Variants in THSD4 observed in about 807,000 individuals in gnomAD.
THSD4 encodes the protein thrombospondin type 1 domain containing 4.
In THSD4, 69 loss-of-function variants were observed where a neutral mutation model predicts 119.0. The observed-to-expected ratio is 0.58, with a 90% CI of 0.48 to 0.71. The LOEUF (loss-of-function observed/expected upper bound fraction) is 0.71. Among genes scored for constraint, THSD4 ranks in the 30% least tolerant of loss-of-function variants. The pLI, the probability that THSD4 is intolerant of heterozygous loss-of-function variation, is 0.00. For missense variants in THSD4, 1,393 were observed against 1,391.1 expected (o/e 1.00, Z -0.02); for synonymous variants, 524 against 540.4 (o/e 0.97, Z 0.42).
intron 6 of THSD4, among the ~76,000 whole-genome samples, chr15:71,345,767 G>C (rs2045649272): frequency 6.7e-6 from 1 of 149,764 alleles, no homozygotes; most frequent in Non-Finnish European, 1.5e-5. Context: ...GCCTTCGCCA[G>C]AATAAGTGAA....
intron 11 of THSD4, 146 bp downstream of exon 11, chr15:71,738,153 G>T: frequency 8.6e-7 from 1 of 1,157,402 alleles, no homozygotes; most frequent in Non-Finnish European, 1.2e-6. Context: ...GGCGGGGTTG[G>T]GGGATGGTTT....
At chr15:71,400,008 C>G (rs1330774781) in intron 6 of THSD4, among the ~76,000 whole-genome samples, 1 of 152,000 alleles carries the variant, frequency 6.6e-6, no homozygotes, top group African/African-American at 2.4e-5. Context: ...CTCAGTAATG[C>G]TGCAGAAAGA....
intron 2 of THSD4, among the ~76,000 whole-genome samples, chr15:71,147,153 C>A (rs12101341): frequency 0.026 from 3,913 of 152,252 alleles, 154 homozygotes; most frequent in African/African-American, 0.089. Flanking sequence ...CTGGGATGCA[C>A]TTAGAAAACA....
chr15:71,272,061 A>T (rs2044536919), intron 6 of THSD4, among the ~76,000 whole-genome samples: 1 of 152,184 alleles, frequency 6.6e-6, no homozygotes, highest in South Asian at 2.1e-4. Context: ...CAAATCCAAA[A>T]TATGCAAGAA....
At chr15:71,450,925 C>A (rs2047255025) in intron 7 of THSD4, among the ~76,000 whole-genome samples, 2 of 152,178 alleles carry the variant, frequency 1.3e-5, no homozygotes, top group Admixed American at 6.5e-5. Context: ...CTCCTGTAAT[C>A]TCAGCACTTT....
chr15:71,295,034 G>T (rs3743111), intron 6 of THSD4, among the ~76,000 whole-genome samples: 2 of 151,528 alleles, frequency 1.3e-5, no homozygotes, highest in African/African-American at 4.9e-5. Context: ...GGTGAGTGGC[G>T]CTTGCGTCAG....
intron 7 of THSD4, among the ~76,000 whole-genome samples, chr15:71,653,449 G>T (rs56969804): frequency 0.1 from 15,921 of 152,196 alleles, 883 homozygotes; most frequent in East Asian, 0.19. Flanking sequence ...GGAACATTTG[G>T]CAATGTCTGG....
At chr15:71,404,658 T>C (rs528970071) in intron 6 of THSD4, among the ~76,000 whole-genome samples, 3 of 152,286 alleles carry the variant, frequency 2.0e-5, no homozygotes, top group African/African-American at 7.2e-5. Flanking sequence ...CCAATCTCAT[T>C]AATGGGATTA....
At chr15:71,519,866 G>T (rs2048414689) in intron 7 of THSD4, among the ~76,000 whole-genome samples, 1 of 152,210 alleles carries the variant, frequency 6.6e-6, no homozygotes, top group Non-Finnish European at 1.5e-5. Flanking sequence ...GGCCCTGGGT[G>T]TGAGGAGTGA....
chr15:71,238,661 G>A (rs2028586), intron 4 of THSD4, among the ~76,000 whole-genome samples: 150,877 of 152,362 alleles, frequency 0.99, 74,719 homozygotes, highest in Middle Eastern at 1. Flanking sequence ...CACTCTGTGG[G>A]TATACCAATG....
At chr15:71,200,782 G>A (rs2043797180) in intron 3 of THSD4, among the ~76,000 whole-genome samples, 1 of 152,156 alleles carries the variant, frequency 6.6e-6, no homozygotes. Flanking sequence ...AATAAGATGT[G>A]GGGATGCACA....
chr15:71,625,876 G>C (rs2050499761), intron 7 of THSD4, among the ~76,000 whole-genome samples: 1 of 152,126 alleles, frequency 6.6e-6, no homozygotes, highest in Non-Finnish European at 1.5e-5. Flanking sequence ...AGCACAGACT[G>C]GCAGTCCATA....
rs139114313 is a variant in THSD4, at chr15:71,590,616, C to G, written c.1153-69914C>G. On this transcript the variant is annotated intron_variant, in intron 7 of 17. Coordinates refer to ENST00000261862, the MANE Select transcript of THSD4 (RefSeq NM_024817.3). Reference sequence around the variant, plus strand: ...AGCTAATGGATGCTGGGCTTAATACCTGGGTGATGGGATGATCTGTGCAGC... The same window carrying G: ...AGCTAATGGATGCTGGGCTTAATACGTGGGTGATGGGATGATCTGTGCAGC... Among the ~76,000 whole-genome samples, 78 of 88,734 alleles carry G rather than the reference C, an allele frequency of 8.8e-4. 7 individuals are homozygous for G. Among genetic ancestry groups the G allele is most frequent in the African/African-American group, 2.2e-3 (71 of 31,688 alleles). The allele number at this position is 88,734 out of a possible 152,430, so 58.2% of individuals were successfully genotyped here. A position where few individuals can be genotyped will look rare whatever the true frequency, so the allele number is the denominator to read the frequency against.
chr15:71,366,959 G>A (rs1269471400), intron 6 of THSD4, among the ~76,000 whole-genome samples: 1 of 152,202 alleles, frequency 6.6e-6, no homozygotes, highest in Non-Finnish European at 1.5e-5. Context: ...TGCCAGCACA[G>A]CTCTCTCCAA....
chr15:71,281,190 G>A (rs985205408), intron 6 of THSD4, among the ~76,000 whole-genome samples: 7 of 152,236 alleles, frequency 4.6e-5, no homozygotes, highest in Non-Finnish European at 7.3e-5. Context: ...AATCCGAGAA[G>A]TCTACTTTGC....
chr15:71,566,636 A>G (rs2049245190), intron 7 of THSD4, among the ~76,000 whole-genome samples: 1 of 150,930 alleles, frequency 6.6e-6, no homozygotes, highest in African/African-American at 2.4e-5. Context: ...TACCTTTCCT[A>G]CCCTGCAAGA....
In THSD4 at chr15:71,681,822, T is replaced by C. The variant is rs932367854; in HGVS notation, c.1357+21088T>C. ...GCTTGAGGTGGTACCAAGATGTTCA[T>C]GGGGGCAAACGGAAGTTGATCAACA... On this transcript the variant is annotated intron_variant, in intron 8 of 17. Coordinates refer to ENST00000261862, the MANE Select transcript of THSD4 (RefSeq NM_024817.3). 2.0e-5 allele frequency among the ~76,000 whole-genome samples: 3 copies of C among 152,194 alleles called. No individual in the cohort carries two copies. In the South Asian group the frequency reaches 6.2e-4, roughly 31 times the overall value.
At chr15:71,498,184 T>G (rs1036371894) in intron 7 of THSD4, among the ~76,000 whole-genome samples, 13 of 152,232 alleles carry the variant, frequency 8.5e-5, no homozygotes, top group Admixed American at 8.5e-4. Flanking sequence ...TTGTAACACT[T>G]TCTAATCAGA....
At chr15:71,237,658 T>C (rs2044116565) in intron 4 of THSD4, among the ~76,000 whole-genome samples, 1 of 152,122 alleles carries the variant, frequency 6.6e-6, no homozygotes, top group East Asian at 1.9e-4. Flanking sequence ...TTTCAGGCTC[T>C]AGTCTGGAGG....
Sources: allele counts gnomAD v4.1 joint callset (sites outside exome capture counted in the v4.1 genomes callset), GRCh38; gene constraint gnomAD v4.1.1; transcripts MANE v1.5; gene names NCBI Gene and HGNC (gene_info 2026-07-23, HGNC 2026-07-21).